BEAN1: variants seen among roughly 807,000 people sequenced by gnomAD.
BEAN1 encodes brain expressed associated with NEDD4 1.
In BEAN1, 17 loss-of-function variants were observed where a neutral mutation model predicts 17.7. That is an observed-to-expected ratio of 0.96 (90% confidence interval 0.66 to 1.44). The LOEUF is 1.44. Among genes scored for constraint, BEAN1 ranks in the 40% most tolerant of loss-of-function variants. BEAN1 has a pLI of 0.00. For synonymous variants in BEAN1, 142 were observed against 151.8 expected (o/e 0.94, Z 0.47); for missense variants, 359 against 374.1 (o/e 0.96, Z 0.33).
At chr16:66,464,541 C>T (rs572539389) in intron 2 of BEAN1, among the ~76,000 whole-genome samples, 10 of 152,186 alleles carry the variant, frequency 6.6e-5, no homozygotes, top group Admixed American at 3.9e-4. Flanking sequence ...ACGGATTTTA[C>T]CATGTTGGCT....
At chr16:66,465,159 T>C (rs1026103322) in intron 2 of BEAN1, among the ~76,000 whole-genome samples, 1 of 152,240 alleles carries the variant, frequency 6.6e-6, no homozygotes, top group African/African-American at 2.4e-5. Flanking sequence ...ATGTGGTTTT[T>C]GTCCTAAAGT....
At chr16:66,459,178 T>G (rs1463526414) in intron 2 of BEAN1, among the ~76,000 whole-genome samples, 1 of 152,220 alleles carries the variant, frequency 6.6e-6, no homozygotes, top group Non-Finnish European at 1.5e-5. Context: ...TGGGGACCCT[T>G]GCAGCAGCCT....
chr16:66,448,463 A>G (rs1413008418), intron 2 of BEAN1, among the ~76,000 whole-genome samples: 2 of 152,178 alleles, frequency 1.3e-5, no homozygotes, highest in African/African-American at 4.8e-5. Context: ...TATAGCATAC[A>G]TACAGAAAGG....
At position 66,473,714 on chromosome 16, in the gene BEAN1, A is replaced by AAATAAAT. The variant is rs539379261; in HGVS notation, c.290-3829_290-3823dup. Among the ~76,000 whole-genome samples the AAATAAAT allele has an allele frequency of 4.3e-4, 65 of 151,930 alleles. No homozygotes were observed. In the East Asian group the frequency reaches 0.011, roughly 26 times the overall value. On this transcript the variant is annotated intron_variant, in intron 3 of 4. Coordinates refer to ENST00000536005, the MANE Select transcript of BEAN1 (RefSeq NM_001178020.3). The surrounding 1 kb of genome is among the most constrained non-coding windows in gnomAD (Gnocchi z 4.5). ...CCTGTCTCTAAATAAATAAATAAATAAATAAATAATAAATAATAAATAAAG... is the reference window on the plus strand; with the variant it reads ...CCTGTCTCTAAATAAATAAATAAATAAATAAATAATAAATAATAAATAATAAATAAAG...
At chr16:66,476,087 G>A (rs983906115) in intron 3 of BEAN1, among the ~76,000 whole-genome samples, 1 of 150,488 alleles carries the variant, frequency 6.6e-6, no homozygotes, top group Non-Finnish European at 1.5e-5. Flanking sequence ...TCCAGCCTGG[G>A]CGACAGTGAG....
chr16:66,460,569 A>C (rs931052038), intron 2 of BEAN1, among the ~76,000 whole-genome samples: 14 of 152,170 alleles, frequency 9.2e-5, no homozygotes, highest in African/African-American at 3.1e-4. Flanking sequence ...TCTGAGACAC[A>C]CAGGCTCCCA....
rs1196186489 is a variant in BEAN1 at position 66,427,741 on chromosome 16, TCGAGTCCC to T, written c.-83+314_-83+321del. 1.3e-5 allele frequency: 2 copies of T among 152,068 alleles called. No individual in the cohort carries two copies. Among genetic ancestry groups the T allele is most frequent in the East Asian group, 3.9e-4 (2 of 5,130 alleles). The allele number at this position is 152,068 out of a possible 1,614,324, so 9.4% of individuals were successfully genotyped here. A position where few individuals can be genotyped will look rare whatever the true frequency, so the allele number is the denominator to read the frequency against. On this transcript the variant is annotated intron_variant, in intron 1 of 4. Transcript: ENST00000536005. The surrounding 1 kb of genome is among the most constrained non-coding windows in gnomAD (Gnocchi z 4.7). ...GAGGTATCCAGGTTTTCTGCCTGAC[TCGAGTCCC>T]CGACGAGCATCAACCGCATTTGGGG... is the stretch of plus-strand genomic sequence containing the variant.
intron 2 of BEAN1, among the ~76,000 whole-genome samples, chr16:66,445,242 C>T (rs1204920364): frequency 2.0e-5 from 3 of 150,972 alleles, no homozygotes; most frequent in African/African-American, 4.9e-5. Context: ...TTTTGGAGGC[C>T]GAGGCAGGCA....
intron 4 of BEAN1, among the ~76,000 whole-genome samples, chr16:66,488,437 T>C (rs1964118319): frequency 6.7e-6 from 1 of 149,786 alleles, no homozygotes; most frequent in Non-Finnish European, 1.5e-5. Flanking sequence ...CCCCAGCACT[T>C]TGGGAGGCAG....
intron 3 of BEAN1, among the ~76,000 whole-genome samples, 180 bp from the exon 4 acceptor site, chr16:66,477,380 C>G (rs902892844): frequency 6.6e-6 from 1 of 152,226 alleles, no homozygotes; most frequent in Non-Finnish European, 1.5e-5. Context: ...ATGCCCAACA[C>G]GACAATGGCA....
chr16:66,431,647 T>A (rs935088400), intron 1 of BEAN1, among the ~76,000 whole-genome samples: 1 of 151,982 alleles, frequency 6.6e-6, no homozygotes, highest in African/African-American at 2.4e-5. Context: ...GTATATGGTA[T>A]ATGCACAATT....
chr16:66,433,087 T>TTTTA (rs1328256064), intron 1 of BEAN1, among the ~76,000 whole-genome samples: 3 of 152,188 alleles, frequency 2.0e-5, no homozygotes, highest in African/African-American at 4.8e-5. Context: ...AGGGACTTTA[T>TTTTA]TTTATTTATT....
chr16:66,457,946 C>T (rs141014998), intron 2 of BEAN1, among the ~76,000 whole-genome samples: 177 of 152,304 alleles, frequency 1.2e-3, no homozygotes, highest in African/African-American at 4.1e-3. Context: ...GTGTTCCCTA[C>T]ACTCCTTCCA....
rs1278452382 is a variant in BEAN1 at position 66,434,204 on chromosome 16, TGCCCCC to T, written c.-82-3389_-82-3384del. Among the ~76,000 whole-genome samples, 21 of 151,996 alleles carry T rather than the reference TGCCCCC, an allele frequency of 1.4e-4. No homozygotes were observed. The highest frequency in any genetic ancestry group is 2.2e-4 in the Non-Finnish European group (15 of 67,924). On this transcript the variant is annotated intron_variant, in intron 1 of 4. Coordinates refer to ENST00000536005, the MANE Select transcript of BEAN1 (RefSeq NM_001178020.3). This position sits in a 1 kb window ranked among gnomAD's most constrained non-coding sequence, Gnocchi z 4.3. ...CTTGGCCTAGCAGCTGGGGTGGGCC[TGCCCCC>T]GACCCCGACCCCAACCCCGACCCCG...
At chr16:66,495,115 G>C (rs555036935), downstream of BEAN1, among the ~76,000 whole-genome samples, 8 of 152,302 alleles carry the variant, frequency 5.3e-5, no homozygotes, top group South Asian at 1.2e-3. Context: ...TAAGACCAAG[G>C]GGGGGCCTCA....
chr16:66,452,323 T>TG (rs1962701846), intron 2 of BEAN1, among the ~76,000 whole-genome samples: 1 of 152,256 alleles, frequency 6.6e-6, no homozygotes, highest in African/African-American at 2.4e-5. Flanking sequence ...GCTACCCTGA[T>TG]GCTGGTTTTC....
In BEAN1 at chr16:66,480,684, G is replaced by T. The variant is rs1272374342; in HGVS notation, c.539G>T (p.Gly180Val). The T allele has an allele frequency of 2.6e-6, 4 of 1,551,638 alleles. No homozygotes were observed. Among genetic ancestry groups the T allele is most frequent in the Admixed American group, 2.0e-5 (1 of 51,000 alleles). ...SLTDSCPTLD[G>V]TSDSGSGHSP... is the part of the protein sequence containing the mutation. ...ACTGATTCCTGCCCCACGCTGGATG[G>T]CACCTCCGACTCAGGCAGCGGCCAC... The change falls in exon 5 of 5, where the codon GGC (glycine) becomes GTC (valine). Residue 180 changes from glycine to valine, a missense_variant. By Grantham distance (109) the Gly-to-Val change is moderately radical. Transcript: ENST00000536005.
At chr16:66,437,732 T>C (rs1201845615) in intron 2 of BEAN1, 31 bp downstream of exon 2, 3 of 1,528,956 alleles carry the variant, frequency 2.0e-6, no homozygotes, top group East Asian at 4.9e-5. Context: ...CTTCCACCAC[T>C]TGGGGCCAGG....
chr16:66,447,740 G>C (rs1962509175), intron 2 of BEAN1, among the ~76,000 whole-genome samples: 1 of 152,162 alleles, frequency 6.6e-6, no homozygotes, highest in African/African-American at 2.4e-5. Context: ...TCATAGGTTG[G>C]TTGCAAGAGG....
Sources: allele counts gnomAD v4.1 joint callset (sites outside exome capture counted in the v4.1 genomes callset), GRCh38; gene constraint gnomAD v4.1.1; non-coding constraint Gnocchi (gnomAD v3.1); transcripts MANE v1.5; gene names NCBI Gene and HGNC (gene_info 2026-07-23, HGNC 2026-07-21).